The following KIF4A variants were observed in gnomAD, a reference collection of about 807,000 sequenced individuals.
KIF4A encodes the protein kinesin family member 4A, also known as chromosome-associated kinesin KIF4A.
KIF4A carries 7 observed loss-of-function variants against 105.9 expected under a neutral mutation model. The observed-to-expected ratio is 0.07, with a 90% CI of 0.04 to 0.12. The LOEUF is 0.12. Ranked by LOEUF, KIF4A falls within the 10% of genes least tolerant of loss-of-function variation. The pLI is 1.00. For synonymous variants in KIF4A, 281 were observed against 331.3 expected (o/e 0.85, Z 1.65); for missense variants, 558 against 929.2 (o/e 0.60, Z 5.19).
intron 20 of KIF4A, among the ~76,000 whole-genome samples, chrX:70,390,147 C>T (rs2086232465): frequency 1.8e-5 from 2 of 111,595 alleles, no homozygotes; most frequent in South Asian, 7.5e-4. Context: ...TTTCCATTTC[C>T]AATTGTTTAG....
chrX:70,362,969 C>G (rs930956910), intron 15 of KIF4A, among the ~76,000 whole-genome samples: 1 of 111,633 alleles, frequency 9.0e-6, no homozygotes, highest in Non-Finnish European at 1.9e-5. Context: ...CTCGCCCAGG[C>G]TGGAGTGCAG....
At chrX:70,361,931 G>C (rs1162267245) in intron 15 of KIF4A, among the ~76,000 whole-genome samples, 2 of 112,193 alleles carry the variant, frequency 1.8e-5, no homozygotes, top group Non-Finnish European at 1.9e-5. Context: ...GTGCACCTGG[G>C]ATGCCTCACC....
intron 27 of KIF4A, among the ~76,000 whole-genome samples, chrX:70,406,689 A>G (rs755647962): frequency 1.6e-4 from 18 of 111,444 alleles, no homozygotes; most frequent in Non-Finnish European, 3.0e-4. Context: ...TCAGCCTCCA[A>G]TTTCACTGCC....
intron 15 of KIF4A, among the ~76,000 whole-genome samples, chrX:70,371,928 G>GAT (rs2086138118): frequency 9.3e-6 from 1 of 107,016 alleles, no homozygotes; most frequent in African/African-American, 3.4e-5. Flanking sequence ...CTTCTCAGAC[G>GAT]GGGTGGCCGG....
At chrX:70,301,809 C>G in intron 5 of KIF4A, 91 bp from the exon 6 acceptor site, 2 of 1,011,870 alleles carry the variant, frequency 2.0e-6, no homozygotes. Context: ...ACTAGACTAT[C>G]AAGGCATTTT....
At chrX:70,310,436 A>G (rs762571820) in intron 7 of KIF4A, among the ~76,000 whole-genome samples, 32 of 110,222 alleles carry the variant, frequency 2.9e-4, no homozygotes, top group Non-Finnish European at 4.0e-4. Flanking sequence ...ATTGCTGAGT[A>G]GTATTCAATT....
intron 20 of KIF4A, among the ~76,000 whole-genome samples, chrX:70,391,882 G>A (rs887470459): frequency 2.7e-5 from 3 of 110,885 alleles, no homozygotes; most frequent in African/African-American, 9.8e-5. Flanking sequence ...TTGATTTTCT[G>A]TTCCTGCATT....
At chrX:70,369,335 A>C (rs1379511359) in intron 15 of KIF4A, among the ~76,000 whole-genome samples, 1 of 112,215 alleles carries the variant, frequency 8.9e-6, no homozygotes. Context: ...TGTCTTCTGC[A>C]TTGCTCACGC....
chrX:70,395,071 C>A (rs1315726649), intron 20 of KIF4A, among the ~76,000 whole-genome samples: 2 of 111,568 alleles, frequency 1.8e-5, no homozygotes, highest in Non-Finnish European at 3.8e-5. Flanking sequence ...CATGGTGAAA[C>A]CCCATCTGTA....
At chrX:70,400,618 AG>A (rs1175350340) in intron 22 of KIF4A, among the ~76,000 whole-genome samples, 1 of 112,205 alleles carries the variant, frequency 8.9e-6, no homozygotes, top group Non-Finnish European at 1.9e-5. Context: ...GATTGCATAC[AG>A]AGGGAGACAT....
intron 11 of KIF4A, among the ~76,000 whole-genome samples, chrX:70,342,318 T>G (rs1342145777): frequency 8.9e-6 from 1 of 112,542 alleles, no homozygotes; most frequent in Non-Finnish European, 1.9e-5. Flanking sequence ...TCTCTTCCCC[T>G]AATGTTGTCA....
At chrX:70,365,350 G>T (rs1452818030) in intron 15 of KIF4A, among the ~76,000 whole-genome samples, 2 of 111,489 alleles carry the variant, frequency 1.8e-5, no homozygotes, top group African/African-American at 6.5e-5. Context: ...TCCAGTTTTT[G>T]CCCATTCAGT....
intron 20 of KIF4A, among the ~76,000 whole-genome samples, chrX:70,390,420 A>T (rs1333987762): frequency 1.8e-5 from 2 of 111,854 alleles, no homozygotes; most frequent in African/African-American, 6.5e-5. Flanking sequence ...GTATGATAAT[A>T]GCTATAGATT....
chrX:70,337,691 AAC>A (rs970206175), intron 10 of KIF4A, among the ~76,000 whole-genome samples: 1 of 111,483 alleles, frequency 9.0e-6, no homozygotes, highest in South Asian at 3.8e-4. Context: ...ACAAACAAAA[AAC>A]ACACACAAAA....
chrX:70,410,439 G>C (rs1394114747), intron 28 of KIF4A, among the ~76,000 whole-genome samples: 1 of 111,677 alleles, frequency 9.0e-6, no homozygotes, highest in Non-Finnish European at 1.9e-5. Context: ...GATAGACATG[G>C]GTCTTGAGTT....
In KIF4A at chrX:70,352,674, T is replaced by C. The variant is rs770643059; in HGVS notation, c.1488+18T>C. The C allele has an allele frequency of 1.8e-6, 2 of 1,129,933 alleles. No individual in the cohort carries two copies. Among genetic ancestry groups the C allele is most frequent in the Non-Finnish European group, 2.4e-6 (2 of 828,220 alleles). 93.1% of individuals were successfully genotyped at this position (1,129,933 alleles called of 1,213,427 possible). A position where few individuals can be genotyped will look rare whatever the true frequency, so the allele number is the denominator to read the frequency against. On this transcript the variant is annotated intron_variant, in intron 14 of 30. Transcript: ENST00000374403. Reference sequence around the variant, plus strand: ...AAGAAGCCGTAAGTAATTGGCCCCTTTGTGTAGAACCAGGAGCTCTAACTG... The same window carrying C: ...AAGAAGCCGTAAGTAATTGGCCCCTCTGTGTAGAACCAGGAGCTCTAACTG...
intron 5 of KIF4A, among the ~76,000 whole-genome samples, chrX:70,299,826 G>A (rs180912231): frequency 1.2e-4 from 13 of 112,245 alleles, no homozygotes; most frequent in Non-Finnish European, 1.9e-4. Flanking sequence ...TTTAAAACAT[G>A]TAAGTATCAT....
chrX:70,341,100 A>T (rs1274276127), intron 10 of KIF4A, among the ~76,000 whole-genome samples: 1 of 111,544 alleles, frequency 9.0e-6, no homozygotes, highest in African/African-American at 3.3e-5. Context: ...TTTGAAATGG[A>T]CACCATTGTT....
intron 15 of KIF4A, among the ~76,000 whole-genome samples, chrX:70,361,121 C>G (rs1379929466): frequency 8.8e-6 from 1 of 113,012 alleles, no homozygotes; most frequent in Non-Finnish European, 1.9e-5. Flanking sequence ...GAGCTCTCAG[C>G]TCCAGGCACC....
Sources: allele counts gnomAD v4.1 joint callset (sites outside exome capture counted in the v4.1 genomes callset), GRCh38; gene constraint gnomAD v4.1.1; transcripts MANE v1.5; gene names NCBI Gene and HGNC (gene_info 2026-07-23, HGNC 2026-07-21).